TMEM117: variants seen among roughly 807,000 people sequenced by gnomAD.
TMEM117 encodes the protein transmembrane protein 117.
Under a neutral mutation model 52.4 loss-of-function variants are expected in TMEM117, and 27 were observed. The observed-to-expected ratio is 0.51, with a 90% CI of 0.38 to 0.71. The LOEUF is 0.71. TMEM117 is among the 30% of genes least tolerant of loss of function. The pLI is 0.00. For synonymous variants in TMEM117, 215 were observed against 206.3 expected, an observed-to-expected ratio of 1.04 and a Z score of -0.36; for missense variants, 556 against 630.5, an observed-to-expected ratio of 0.88 and a Z score of 1.26.
At chr12:43,916,490 G>A (rs1307684823) in intron 2 of TMEM117, among the ~76,000 whole-genome samples, 12 of 152,124 alleles carry the variant, frequency 7.9e-5, no homozygotes, top group Admixed American at 7.9e-4. Flanking sequence ...TAAATATCAT[G>A]TATAAGCACA....
chr12:44,159,138 A>G (rs1948865996), intron 4 of TMEM117, among the ~76,000 whole-genome samples: 2 of 152,148 alleles, frequency 1.3e-5, no homozygotes, highest in African/African-American at 4.8e-5. Context: ...TTCTGAGATA[A>G]TATTTCAGCA....
chr12:43,888,173 C>G (rs147139832), intron 2 of TMEM117, among the ~76,000 whole-genome samples: 4 of 152,178 alleles, frequency 2.6e-5, no homozygotes, highest in Non-Finnish European at 5.9e-5. Context: ...AGTTTCATAT[C>G]TGAGAGATAG....
Position 44,178,732 on chromosome 12 carries a change from G to T in TMEM117, c.511-32558G>T, listed in dbSNP as rs865944194. Among the ~76,000 whole-genome samples the T allele has an allele frequency of 3.8e-4, 58 of 152,040 alleles. 1 individual carries two copies. The South Asian group carries it at 6.8e-3, about 18-fold the overall frequency. On this transcript the variant is annotated intron_variant, in intron 4 of 7. Coordinates refer to ENST00000266534, the MANE Select transcript of TMEM117 (RefSeq NM_032256.3). ...AATTATGCAATTGTCTACATTATGG[G>T]TTTTTTCCCCCTTTAAAAGGAGATA...
At chr12:44,256,171 C>A (rs2138526770) in intron 5 of TMEM117, among the ~76,000 whole-genome samples, 1 of 151,468 alleles carries the variant, frequency 6.6e-6, no homozygotes, top group East Asian at 1.9e-4. Flanking sequence ...ACATACATAC[C>A]CACAGAATAA....
At chr12:44,166,856 G>C (rs186127786) in intron 4 of TMEM117, among the ~76,000 whole-genome samples, 1 of 152,188 alleles carries the variant, frequency 6.6e-6, no homozygotes, top group African/African-American at 2.4e-5. Flanking sequence ...TACAAGGCTT[G>C]TTATCAAATA....
chr12:44,343,058 T>C (rs1016814539), intron 6 of TMEM117, among the ~76,000 whole-genome samples: 1 of 151,932 alleles, frequency 6.6e-6, no homozygotes, highest in African/African-American at 2.4e-5. Flanking sequence ...GCTAATTTTT[T>C]TTTTTGTATT....
intron 6 of TMEM117, among the ~76,000 whole-genome samples, chr12:44,374,124 A>G (rs762052610): frequency 2.2e-4 from 33 of 152,128 alleles, no homozygotes; most frequent in Non-Finnish European, 2.2e-4. Flanking sequence ...ATGTTCTGCA[A>G]AACATTAGCA....
Position 43,891,367 on chromosome 12 carries a change from A to ATTTTTTTTTTTTTTTTTTTT in TMEM117, c.277+46443_277+46462dup, listed in dbSNP as rs772754829. 8.3e-4 allele frequency among the ~76,000 whole-genome samples: 48 copies of ATTTTTTTTTTTTTTTTTTTT among 57,796 alleles called. 13 individuals carry two copies. Among genetic ancestry groups the ATTTTTTTTTTTTTTTTTTTT allele is most frequent in the Non-Finnish European group, 1.3e-3 (40 of 31,912 alleles). The allele number at this position is 57,796 out of a possible 152,430, so 37.9% of individuals were successfully genotyped here. A position where few individuals can be genotyped will look rare whatever the true frequency, so the allele number is the denominator to read the frequency against. On this transcript the variant is annotated intron_variant, in intron 2 of 7. Coordinates refer to ENST00000266534, the MANE Select transcript of TMEM117 (RefSeq NM_032256.3). ...ATTTCTTTTGGGAAATACCTCTTGA[A>ATTTTTTTTTTTTTTTTTTTT]TTTTTTTTTTTTTTTTTTTTTTTGA...
At chr12:44,150,216 T>C (rs770483710) in intron 4 of TMEM117, among the ~76,000 whole-genome samples, 6 of 152,194 alleles carry the variant, frequency 3.9e-5, no homozygotes, top group Admixed American at 1.3e-4. Flanking sequence ...TTTCGTGTTA[T>C]GTGAGGTTCT....
At chr12:44,123,159 C>T (rs758241328) in intron 3 of TMEM117, among the ~76,000 whole-genome samples, 1 of 151,800 alleles carries the variant, frequency 6.6e-6, no homozygotes, top group African/African-American at 2.4e-5. Context: ...CTCTAATAAT[C>T]GTTGTTGAGC....
chr12:44,072,379 G>C (rs182375415), intron 3 of TMEM117, among the ~76,000 whole-genome samples: 1 of 152,096 alleles, frequency 6.6e-6, no homozygotes, highest in African/African-American at 2.4e-5. Context: ...TCACATTCCC[G>C]TTCCTCTCTC....
chr12:43,888,548 T>C (rs796287163), intron 2 of TMEM117, among the ~76,000 whole-genome samples: 23 of 13,916 alleles, frequency 1.7e-3, no homozygotes, highest in Non-Finnish European at 8.0e-3. Context: ...GTTTTCTTTT[T>C]TTTTTTTTTT....
intron 3 of TMEM117, among the ~76,000 whole-genome samples, chr12:44,108,633 C>A (rs1199723140): frequency 4.4e-4 from 33 of 74,876 alleles, no homozygotes; most frequent in African/African-American, 3.8e-3. Flanking sequence ...GGTTCCAAGT[C>A]TTTGCTATTG....
intron 4 of TMEM117, among the ~76,000 whole-genome samples, chr12:44,199,805 A>G (rs532066855): frequency 5.9e-5 from 9 of 152,264 alleles, no homozygotes; most frequent in Admixed American, 3.3e-4. Context: ...TGAAAAATCT[A>G]CCTACTAAAT....
chr12:43,912,729 G>A (rs1438709721), intron 2 of TMEM117, among the ~76,000 whole-genome samples: 1 of 151,216 alleles, frequency 6.6e-6, no homozygotes, highest in Non-Finnish European at 1.5e-5. Flanking sequence ...GTTTTTATTG[G>A]TGCTTTTCCA....
chr12:44,306,029 A>C (rs186540162), intron 6 of TMEM117, among the ~76,000 whole-genome samples: 1 of 152,310 alleles, frequency 6.6e-6, no homozygotes, highest in East Asian at 1.9e-4. Flanking sequence ...AGGGACAGAA[A>C]ACCAAATACC....
intron 5 of TMEM117, among the ~76,000 whole-genome samples, chr12:44,225,319 C>T (rs1182596895): frequency 6.6e-6 from 1 of 151,970 alleles, no homozygotes; most frequent in Non-Finnish European, 1.5e-5. Flanking sequence ...AAATGATGAG[C>T]CAAGAAACTG....
chr12:44,311,982 C>T (rs993876997), intron 6 of TMEM117, among the ~76,000 whole-genome samples: 33 of 150,534 alleles, frequency 2.2e-4, no homozygotes, highest in Non-Finnish European at 3.5e-4. Flanking sequence ...CTCCTCTTTA[C>T]ATGCCAGATG....
intron 3 of TMEM117, among the ~76,000 whole-genome samples, chr12:44,058,451 C>T (rs1947091159): frequency 6.6e-6 from 1 of 152,100 alleles, no homozygotes; most frequent in Non-Finnish European, 1.5e-5. Context: ...TAATCATTTT[C>T]TCAGGTTTTT....
Sources: gnomAD v4.1 joint callset for allele counts (sites outside exome capture counted in the v4.1 genomes callset) on GRCh38, gnomAD v4.1.1 for gene constraint, MANE v1.5 for transcripts, NCBI Gene and HGNC (gene_info 2026-07-23, HGNC 2026-07-21) for gene names.